Variants in MALRD1 observed in about 807,000 individuals in gnomAD.
MALRD1 encodes the protein MAM and LDL-receptor class A domain-containing protein 1.
A neutral mutation model predicts 242.1 loss-of-function variants in MALRD1; 247 were observed. That is an observed-to-expected ratio of 1.02 (90% CI 0.92 to 1.13). The LOEUF (loss-of-function observed/expected upper bound fraction) is 1.13, where lower values mean the gene tolerates loss of function less well. Ranked by LOEUF, MALRD1 falls within the 50% of genes most tolerant of loss-of-function variation. MALRD1 has a pLI of 0.00. For missense variants in MALRD1, 2,989 were observed against 2,533.1 expected (o/e 1.18, Z -3.86); for synonymous variants, 995 against 866.6 (o/e 1.15, Z -2.60).
At chr10:19,508,914 A>C (rs1332687402) in intron 31 of MALRD1, among the ~76,000 whole-genome samples, 2 of 152,168 alleles carry the variant, frequency 1.3e-5, no homozygotes, top group Non-Finnish European at 2.9e-5. Flanking sequence ...TCCCTGTATA[A>C]CTTTGAAGAT....
intron 32 of MALRD1, 100 bp downstream of exon 32, chr10:19,531,451 C>T: frequency 1.7e-6 from 2 of 1,171,488 alleles, no homozygotes; most frequent in South Asian, 1.9e-5. Context: ...GGTCACACCG[C>T]CAGTGCTGAT....
At chr10:19,646,471 G>A (rs1359539094) in intron 36 of MALRD1, among the ~76,000 whole-genome samples, 1 of 152,150 alleles carries the variant, frequency 6.6e-6, no homozygotes, top group African/African-American at 2.4e-5. Flanking sequence ...TGGGTGTAGT[G>A]GCACGCACAT....
chr10:19,601,432 T>G (rs912875955), intron 34 of MALRD1, among the ~76,000 whole-genome samples: 1 of 151,956 alleles, frequency 6.6e-6, no homozygotes, highest in African/African-American at 2.4e-5. Context: ...CAATAAATAT[T>G]AGATGCATTC....
intron 38 of MALRD1, among the ~76,000 whole-genome samples, chr10:19,699,844 C>T (rs1391757424): frequency 1.3e-5 from 2 of 152,002 alleles, no homozygotes; most frequent in Non-Finnish European, 2.9e-5. Flanking sequence ...AGAACAGCAC[C>T]AAGTCATGAG....
At chr10:19,617,122 C>T (rs1019605854) in intron 36 of MALRD1, among the ~76,000 whole-genome samples, 12 of 151,782 alleles carry the variant, frequency 7.9e-5, no homozygotes, top group East Asian at 1.9e-4. Flanking sequence ...GATTTTTGTC[C>T]GCTTTAATCC....
At chr10:19,067,617 G>C (rs576832990) in intron 2 of MALRD1, among the ~76,000 whole-genome samples, 5 of 152,214 alleles carry the variant, frequency 3.3e-5, no homozygotes, top group Admixed American at 6.5e-5. Flanking sequence ...TAGTTTGGCA[G>C]TGTTTTCATA....
intron 14 of MALRD1, among the ~76,000 whole-genome samples, chr10:19,178,079 T>A (rs1450819942): frequency 6.6e-6 from 1 of 152,148 alleles, no homozygotes; most frequent in East Asian, 1.9e-4. Flanking sequence ...AGGTTTTAAA[T>A]CATTACTAAA....
At chr10:19,108,007 G>A (rs145239086) in intron 5 of MALRD1, among the ~76,000 whole-genome samples, 20 of 152,132 alleles carry the variant, frequency 1.3e-4, no homozygotes, top group Admixed American at 2.6e-4. Context: ...CAGACTTTGG[G>A]CTTTGTGGAT....
chr10:19,445,244 C>T (rs751949026), intron 28 of MALRD1, among the ~76,000 whole-genome samples: 3 of 152,130 alleles, frequency 2.0e-5, no homozygotes, highest in Non-Finnish European at 4.4e-5. Context: ...CTTTGCAATG[C>T]GTTCGAACAT....
intron 10 of MALRD1, among the ~76,000 whole-genome samples, chr10:19,140,715 C>G (rs1348414563): frequency 6.6e-6 from 1 of 152,078 alleles, no homozygotes; most frequent in Non-Finnish European, 1.5e-5. Context: ...AGCACGATCT[C>G]ACTTATACAT....
intron 19 of MALRD1, among the ~76,000 whole-genome samples, chr10:19,265,054 C>T (rs972669716): frequency 1.3e-5 from 2 of 152,030 alleles, no homozygotes; most frequent in Non-Finnish European, 2.9e-5. Context: ...TCATAGCAGT[C>T]TCATATGATC....
At chr10:19,693,695 T>A (rs972662652) in intron 38 of MALRD1, among the ~76,000 whole-genome samples, 1 of 152,136 alleles carries the variant, frequency 6.6e-6, no homozygotes, top group East Asian at 1.9e-4. Flanking sequence ...AAGCAACCAA[T>A]GACTTTCTTC....
At chr10:19,447,041 A>AAC (rs10535583) in intron 28 of MALRD1, among the ~76,000 whole-genome samples, 6,671 of 148,414 alleles carry the variant, frequency 0.045, 148 homozygotes, top group Middle Eastern at 0.11. Context: ...CTCTGTTAGG[A>AAC]ACACACACAC....
At chr10:19,251,238 A>G (rs1839279704) in intron 18 of MALRD1, among the ~76,000 whole-genome samples, 1 of 152,022 alleles carries the variant, frequency 6.6e-6, no homozygotes, top group African/African-American at 2.4e-5. Context: ...CCCTGTTTGG[A>G]GATAATTCTC....
chr10:19,301,282 T>C (rs1233458092), intron 21 of MALRD1, among the ~76,000 whole-genome samples: 1 of 151,932 alleles, frequency 6.6e-6, no homozygotes, highest in Non-Finnish European at 1.5e-5. Context: ...TCTGTTCAGC[T>C]GTTGTGGAAA....
chr10:19,368,595 A>C (rs973121221), intron 26 of MALRD1, among the ~76,000 whole-genome samples: 3 of 151,884 alleles, frequency 2.0e-5, no homozygotes, highest in African/African-American at 7.3e-5. Context: ...TGCTTTGACT[A>C]TTTGGGGTCT....
chr10:19,113,348 T>G (rs1836748078), intron 5 of MALRD1, among the ~76,000 whole-genome samples: 1 of 152,182 alleles, frequency 6.6e-6, no homozygotes, highest in South Asian at 2.1e-4. Context: ...AACAAATTAC[T>G]TGTGAGTTCA....
rs75215639 is a variant in MALRD1, at chr10:19,685,407, A to T, written c.6138-6875A>T. On this transcript the variant is annotated intron_variant, in intron 36 of 39. Transcript: ENST00000454679. ...ATAGTAGATGTTCAATAAATATTTT[A>T]TGAACACAGGATTATTGATTTAATG... Among the ~76,000 whole-genome samples the T allele has an allele frequency of 3.6e-3, 549 of 152,340 alleles. 3 individuals carry two copies. The highest frequency in any genetic ancestry group is 0.013 in the African/African-American group (524 of 41,584).
chr10:19,466,296 T>A (rs966229650), intron 29 of MALRD1, among the ~76,000 whole-genome samples: 1 of 152,180 alleles, frequency 6.6e-6, no homozygotes, highest in Non-Finnish European at 1.5e-5. Context: ...TTCCTAGTAA[T>A]TTTGATGAAA....
Sources: allele counts gnomAD v4.1 joint callset (sites outside exome capture counted in the v4.1 genomes callset), GRCh38; gene constraint gnomAD v4.1.1; transcripts MANE v1.5; gene names NCBI Gene and HGNC (gene_info 2026-07-23, HGNC 2026-07-21).